PKP4: variants seen among roughly 807,000 people sequenced by gnomAD.
PKP4 encodes the protein plakophilin-4.
In PKP4, 90 loss-of-function variants were observed where a neutral mutation model predicts 145.1. That is an observed-to-expected ratio of 0.62 (90% CI 0.52 to 0.74). The LOEUF is 0.74. Among genes scored for constraint, PKP4 ranks in the 30% least tolerant of loss-of-function variants. The pLI, the probability that PKP4 is intolerant of heterozygous loss-of-function variation, is 0.00. For synonymous variants in PKP4, 563 were observed against 577.2 expected (o/e 0.98, Z 0.35); for missense variants, 1,340 against 1,482.7 (o/e 0.90, Z 1.58).
chr2:158,624,797 G>A (rs550037589), intron 6 of PKP4, 81 bp from the exon 7 acceptor site: 16 of 1,053,988 alleles, frequency 1.5e-5, no homozygotes, highest in Admixed American at 2.3e-5. Context: ...TCTGTAGTGA[G>A]CTATGTGTAT....
At chr2:158,609,156 T>C (rs1215892788) in intron 4 of PKP4, among the ~76,000 whole-genome samples, 1 of 152,142 alleles carries the variant, frequency 6.6e-6, no homozygotes, top group Admixed American at 6.6e-5. Context: ...TATTTATAAC[T>C]TTGAGTATAT....
At chr2:158,633,985 C>T (rs1409928212) in intron 8 of PKP4, 85 bp from the exon 9 acceptor site, 2 of 758,440 alleles carry the variant, frequency 2.6e-6, no homozygotes, top group Non-Finnish European at 4.3e-6. Context: ...AAATATAGTC[C>T]TTAAAATTAA....
rs1345515572 is a variant in PKP4 at position 158,673,987 on chromosome 2, C to T, written c.3114C>T (p.Pro1038=). Residue 1038 remains proline (P), a synonymous_variant, in exon 19 of 22, where the codon CCC becomes CCT. Coordinates refer to ENST00000389759, the MANE Select transcript of PKP4 (RefSeq NM_003628.6). ...CTACCACCAACCAACAGATGTCACC[C>T]ATCATTCAGTCAGGTCAGTGGGAAA... ...SLSTTNQQMS[P]IIQSVGSTSS... 1 of 1,586,420 alleles carries T rather than the reference C, an allele frequency of 6.3e-7. No individual in the cohort carries two copies.
intron 20 of PKP4, 86 bp from the exon 21 acceptor site, chr2:158,678,495 C>G (rs2058209246): frequency 1.1e-6 from 1 of 913,154 alleles, no homozygotes; most frequent in Admixed American, 1.7e-5. Flanking sequence ...GGGGACAGTG[C>G]TAGCCCTAGT....
chr2:158,587,013 T>C (rs575934519), intron 3 of PKP4, among the ~76,000 whole-genome samples: 76 of 152,310 alleles, frequency 5.0e-4, no homozygotes, highest in African/African-American at 1.7e-3. Flanking sequence ...TAGAATCTTT[T>C]TTGAACCTAG....
chr2:158,621,706 A>G (rs541548463), intron 6 of PKP4, among the ~76,000 whole-genome samples: 127 of 151,024 alleles, frequency 8.4e-4, no homozygotes, highest in African/African-American at 2.9e-3. Flanking sequence ...AGATCGCACC[A>G]CTGCACTCCA....
intron 3 of PKP4, among the ~76,000 whole-genome samples, chr2:158,596,028 T>C (rs1358277113): frequency 8.9e-5 from 1 of 11,228 alleles, no homozygotes; most frequent in Non-Finnish European, 3.7e-4. Flanking sequence ...GAGTTTACCT[T>C]TTTTTTTTTT....
chr2:158,666,728 T>G, intron 16 of PKP4, 165 bp downstream of exon 16: 2 of 542,094 alleles, frequency 3.7e-6, no homozygotes, highest in Admixed American at 4.0e-5. Flanking sequence ...GACCATTCTT[T>G]TTCAGCAGGA....
intron 3 of PKP4, among the ~76,000 whole-genome samples, chr2:158,579,822 A>T (rs2048177556): frequency 1.3e-5 from 2 of 152,140 alleles, no homozygotes; most frequent in Non-Finnish European, 2.9e-5. Flanking sequence ...CTGTAGGAGG[A>T]TATAATCTAT....
chr2:158,533,409 T>TCAA, intron 2 of PKP4, 93 bp downstream of exon 2: 1 of 1,423,498 alleles, frequency 7.0e-7, no homozygotes, highest in Non-Finnish European at 9.8e-7. Flanking sequence ...TGTAACGTCC[T>TCAA]TGACGCCTTC....
In PKP4 at chr2:158,574,087, ATATT is replaced by A. The variant is rs1292146534; in HGVS notation, c.133-3180_133-3177del. Among the ~76,000 whole-genome samples the A allele has an allele frequency of 6.6e-5, 10 of 152,236 alleles. No individual in the cohort carries two copies. In the South Asian group the frequency reaches 1.9e-3, roughly 28 times the overall value. Reference sequence around the variant, plus strand: ...TATTCTCTTAATTCTCTCTCAAAGAATATTTATCAGTATACTTACTTGAGAGGAA... The same window carrying A: ...TATTCTCTTAATTCTCTCTCAAAGAATATCAGTATACTTACTTGAGAGGAA... On this transcript the variant is annotated intron_variant, in intron 2 of 21. Transcript: ENST00000389759.
chr2:158,664,257 G>C (rs2056878542), intron 15 of PKP4, among the ~76,000 whole-genome samples: 1 of 152,202 alleles, frequency 6.6e-6, no homozygotes, highest in Admixed American at 6.5e-5. Flanking sequence ...GCAGCACTGT[G>C]GGGAGGGATA....
At chr2:158,498,716 A>C (rs111954840) in intron 1 of PKP4, among the ~76,000 whole-genome samples, 1 of 152,134 alleles carries the variant, frequency 6.6e-6, no homozygotes, top group Non-Finnish European at 1.5e-5. Flanking sequence ...GGCCTGTTCT[A>C]GAACCTTGAC....
At chr2:158,680,237 G>C (rs1196526411) in intron 21 of PKP4, among the ~76,000 whole-genome samples, 192 bp from the exon 22 acceptor site, 2 of 152,200 alleles carry the variant, frequency 1.3e-5, no homozygotes, top group African/African-American at 2.4e-5. Flanking sequence ...CAGCCTGCCT[G>C]AGAATGCAGC....
At position 158,513,245 on chromosome 2, in the gene PKP4, C is replaced by T. The variant is rs182919937; in HGVS notation, c.-5-19935C>T. ...TTCTTAGTTTACGTCCACCCATTTC[C>T]GGTCTTATCCTCATTTTATTGATTT... On this transcript the variant is annotated intron_variant, in intron 1 of 21. Coordinates refer to ENST00000389759, the MANE Select transcript of PKP4 (RefSeq NM_003628.6). Among the ~76,000 whole-genome samples, 19 of 152,210 alleles carry T rather than the reference C, an allele frequency of 1.2e-4. No homozygotes were observed. In the East Asian group the frequency reaches 3.1e-3, roughly 25 times the overall value.
chr2:158,637,449 G>T lies in PKP4; in HGVS notation c.1562+3160G>T, dbSNP rs529816080. On this transcript the variant is annotated intron_variant, in intron 9 of 21. Transcript: ENST00000389759. ...CTTCGGATAGTCCACACGCAAACCC[G>T]GAGAATCACCTCTGCTTAGCTCCCT... 3.9e-5 allele frequency among the ~76,000 whole-genome samples: 6 copies of T among 152,104 alleles called. 1 individual carries two copies. The highest frequency in any genetic ancestry group is 4.1e-4 in the South Asian group (2 of 4,820).
At chr2:158,522,402 A>T (rs1399511616) in intron 1 of PKP4, among the ~76,000 whole-genome samples, 1 of 152,196 alleles carries the variant, frequency 6.6e-6, no homozygotes, top group Non-Finnish European at 1.5e-5. Flanking sequence ...TTGAGCAGAA[A>T]AATTGCCTGT....
chr2:158,466,227 G>C (rs1045861893), intron 1 of PKP4, among the ~76,000 whole-genome samples: 10 of 152,006 alleles, frequency 6.6e-5, no homozygotes, highest in African/African-American at 2.4e-4. Flanking sequence ...TGCTACTCTT[G>C]GATAATCGTG....
intron 2 of PKP4, among the ~76,000 whole-genome samples, chr2:158,546,029 A>C (rs1446537817): frequency 2.0e-5 from 3 of 152,214 alleles, no homozygotes; most frequent in Non-Finnish European, 4.4e-5. Context: ...TTTAGTACCC[A>C]GAATATGTTT....
Sources: allele counts gnomAD v4.1 joint callset (sites outside exome capture counted in the v4.1 genomes callset), GRCh38; gene constraint gnomAD v4.1.1; transcripts MANE v1.5; gene names NCBI Gene and HGNC (gene_info 2026-07-23, HGNC 2026-07-21).